Variants in CACNA1C observed in about 807,000 individuals in gnomAD.
The protein encoded by CACNA1C is calcium voltage-gated channel subunit alpha1 C.
CACNA1C carries 30 observed loss-of-function variants against 229.0 expected under a neutral mutation model. The ratio of observed to expected loss-of-function variants is 0.13; its 90% CI spans 0.10 to 0.18. The LOEUF (loss-of-function observed/expected upper bound fraction) is 0.18, where lower values mean the gene tolerates loss of function less well. Among genes scored for constraint, CACNA1C ranks in the 10% least tolerant of loss-of-function variants. The pLI, the probability that CACNA1C is intolerant of heterozygous loss-of-function variation, is 1.00. For missense variants in CACNA1C, 1,658 were observed against 2,845.0 expected (o/e 0.58, Z 9.49); for synonymous variants, 1,114 against 1,132.5 (o/e 0.98, Z 0.33).
At chr12:2,426,406 A>G (rs1203677845) in intron 3 of CACNA1C, among the ~76,000 whole-genome samples, 3 of 152,206 alleles carry the variant, frequency 2.0e-5, no homozygotes, top group East Asian at 1.9e-4. Context: ...GTCTGTAAGA[A>G]TGGGTAAAAT....
chr12:2,512,847 G>A lies in CACNA1C; in HGVS notation c.1253G>A (p.Arg418Gln). Residue 418 changes from arginine to glutamine, a missense_variant, in exon 9 of 47, where the codon CGG becomes CAG. This residue lies in a region of CACNA1C where 84 missense variants were observed against 202.6 expected (regional missense o/e 0.41). Transcript: ENST00000399655. The surrounding 1 kb of genome is among the most constrained non-coding windows in gnomAD (Gnocchi z 4.3). The stretch of plus-strand genomic sequence containing the variant: ...AAAGAGAGGGAGAAGGCCAAGGCCC[G>A]GGGAGATTTCCAGAAGCTGCGGGAG... ...FSKEREKAKA[R>Q]GDFQKLREKQ... The A allele has an allele frequency of 1.9e-6, 3 of 1,613,020 alleles. No individual in the cohort carries two copies. The highest frequency in any genetic ancestry group is 1.1e-5 in the South Asian group (1 of 90,766).
At chr12:2,420,735 G>A (rs983514761) in intron 3 of CACNA1C, among the ~76,000 whole-genome samples, 5 of 152,336 alleles carry the variant, frequency 3.3e-5, no homozygotes, top group Middle Eastern at 6.8e-3. Context: ...GGGCAGAGCC[G>A]GGACCTGGGT....
At chr12:2,495,654 C>T (rs1408724479) in intron 7 of CACNA1C, among the ~76,000 whole-genome samples, 1 of 152,210 alleles carries the variant, frequency 6.6e-6, no homozygotes, top group Non-Finnish European at 1.5e-5. Context: ...TGTGCCTTCT[C>T]CCCTGGGGAG....
Position 2,605,298 on chromosome 12 carries a change from T to C in CACNA1C, c.3048+130T>C. 1.5e-6 allele frequency: 1 copy of C among 654,496 alleles called. No homozygotes were observed. The highest frequency in any genetic ancestry group is 2.8e-6 in the Non-Finnish European group (1 of 363,270). 40.5% of individuals were successfully genotyped at this position (654,496 alleles called of 1,614,324 possible). On this transcript the variant is annotated intron_variant, in intron 23 of 46. Coordinates refer to ENST00000399655, the MANE Select transcript of CACNA1C (RefSeq NM_000719.7). This position sits in a 1 kb window ranked among gnomAD's most constrained non-coding sequence, Gnocchi z 6.2. ...GGCTGCCATGTGGGGTCCCGGACAC[T>C]GGTCCCACTGCATGTCCCGGTTCCG...
chr12:2,590,682 CG>C (rs763520031), intron 18 of CACNA1C, among the ~76,000 whole-genome samples: 3 of 152,038 alleles, frequency 2.0e-5, no homozygotes, highest in African/African-American at 4.8e-5. Flanking sequence ...GCTTCATAAA[CG>C]GGGGGGAGCT....
chr12:2,501,125 C>T (rs1189373430), intron 7 of CACNA1C, among the ~76,000 whole-genome samples: 1 of 139,668 alleles, frequency 7.2e-6, no homozygotes, highest in Non-Finnish European at 1.5e-5. Flanking sequence ...AGGAGAATGG[C>T]ATGAACCCAG....
chr12:2,035,200 GCTC>G (rs1177689654), intron 1 of CACNA1C, among the ~76,000 whole-genome samples: 1 of 152,252 alleles, frequency 6.6e-6, no homozygotes, highest in Non-Finnish European at 1.5e-5. Flanking sequence ...TTCTCCTGCT[GCTC>G]CAGAACTGCC....
rs756012171 is a variant in CACNA1C, at chr12:2,137,408, G to GTA, written c.477+16987_477+16988dup. Among the ~76,000 whole-genome samples the GTA allele has an allele frequency of 2.6e-5, 4 of 150,986 alleles. No individual in the cohort carries two copies. The South Asian group carries it at 6.4e-4, about 24-fold the overall frequency. On this transcript the variant is annotated intron_variant, in intron 3 of 46. Coordinates refer to ENST00000399655, the MANE Select transcript of CACNA1C (RefSeq NM_000719.7). ...CCGCCCAGCTCTACCAAAAAAAAAA[G>GTA]TATATATATACACACACATACACAC... is the stretch of plus-strand genomic sequence containing the variant.
chr12:2,277,108 G>A (rs2088613796), intron 3 of CACNA1C, among the ~76,000 whole-genome samples: 1 of 152,088 alleles, frequency 6.6e-6, no homozygotes, highest in South Asian at 2.1e-4. Context: ...GCACTTCACA[G>A]TTAATATAAC....
chr12:2,221,330 G>C (rs1466574101), intron 3 of CACNA1C, among the ~76,000 whole-genome samples: 1 of 152,192 alleles, frequency 6.6e-6, no homozygotes, highest in Non-Finnish European at 1.5e-5. Flanking sequence ...GGAGTTGGGA[G>C]GGAATGAGAA....
At chr12:2,205,962 A>T (rs1409375121) in intron 3 of CACNA1C, among the ~76,000 whole-genome samples, 2 of 152,120 alleles carry the variant, frequency 1.3e-5, no homozygotes, top group African/African-American at 4.8e-5. Context: ...CCATGACCTA[A>T]TTGCCTACGA....
At chr12:2,329,927 G>A (rs1247703759) in intron 3 of CACNA1C, among the ~76,000 whole-genome samples, 6 of 152,228 alleles carry the variant, frequency 3.9e-5, no homozygotes, top group Non-Finnish European at 7.3e-5. Context: ...TCTGTTGCTG[G>A]AACAGTTGAG....
At chr12:2,032,121 G>A (rs772908939) in intron 1 of CACNA1C, among the ~76,000 whole-genome samples, 1 of 152,122 alleles carries the variant, frequency 6.6e-6, no homozygotes, top group Non-Finnish European at 1.5e-5. Context: ...TGGGAGCACG[G>A]CTTGCGGCAG....
intron 5 of CACNA1C, among the ~76,000 whole-genome samples, chr12:2,466,348 G>A (rs766047500): frequency 1.3e-5 from 2 of 152,216 alleles, no homozygotes; most frequent in Non-Finnish European, 2.9e-5. Flanking sequence ...AAGAGAGGAG[G>A]CTAGGCAGCA....
chr12:2,277,043 G>A (rs2088576987), intron 3 of CACNA1C, among the ~76,000 whole-genome samples: 1 of 152,134 alleles, frequency 6.6e-6, no homozygotes, highest in African/African-American at 2.4e-5. Flanking sequence ...ATGGCATTGA[G>A]CTTTCCTATC....
intron 3 of CACNA1C, among the ~76,000 whole-genome samples, chr12:2,214,397 C>T (rs1043009391): frequency 6.6e-6 from 1 of 152,176 alleles, no homozygotes; most frequent in Admixed American, 6.5e-5. Context: ...CAACCAGATA[C>T]ATATGTGTCC....
In CACNA1C at chr12:2,688,556, C is replaced by T. The variant is rs958489483; in HGVS notation, c.5894C>T (p.Pro1965Leu). The T allele has an allele frequency of 3.1e-6, 5 of 1,613,952 alleles. No homozygotes were observed. Among genetic ancestry groups the T allele is most frequent in the African/African-American group, 1.3e-5 (1 of 75,064 alleles). The change falls in exon 46 of 47, where the codon CCC becomes CTC. Residue 1965 changes from proline to leucine, a missense_variant. Physicochemically the swap from Pro to Leu is moderately conservative, Grantham distance 98. This residue lies in a region of CACNA1C where 590 missense variants were observed against 700.8 expected (regional missense o/e 0.84). Coordinates refer to ENST00000399655, the MANE Select transcript of CACNA1C (RefSeq NM_000719.7). Reference sequence around the variant, plus strand: ...GCCACACCTGGCAGCCGAGGCTGGCCCCCACAGCCCGTCCCCACCCTGCGG... The same window carrying T: ...GCCACACCTGGCAGCCGAGGCTGGCTCCCACAGCCCGTCCCCACCCTGCGG... ...PPATPGSRGWPPQPVPTLRLE... is the reference protein window; with the variant it reads ...PPATPGSRGWLPQPVPTLRLE...
At chr12:2,200,266 C>G (rs1480634099) in intron 3 of CACNA1C, among the ~76,000 whole-genome samples, 1 of 152,222 alleles carries the variant, frequency 6.6e-6, no homozygotes, top group Non-Finnish European at 1.5e-5. Context: ...ATTCAGTACT[C>G]AGTCTGTAAG....
chr12:2,377,818 C>G (rs1297902931), intron 3 of CACNA1C, among the ~76,000 whole-genome samples: 1 of 152,200 alleles, frequency 6.6e-6, no homozygotes, highest in South Asian at 2.1e-4. Context: ...CCTGGAGCTC[C>G]TTCTGCTTCT....
Sources: allele counts gnomAD v4.1 joint callset (sites outside exome capture counted in the v4.1 genomes callset), GRCh38; gene constraint gnomAD v4.1.1; regional missense constraint gnomAD v4.1.1; non-coding constraint Gnocchi (gnomAD v3.1); transcripts MANE v1.5; gene names NCBI Gene and HGNC (gene_info 2026-07-23, HGNC 2026-07-21).